Variants in SLC7A14 observed in about 807,000 individuals in gnomAD.
The protein encoded by SLC7A14 is solute carrier family 7 member 14.
In SLC7A14, 37 loss-of-function variants were observed where a neutral mutation model predicts 60.2. The observed-to-expected ratio is 0.61, with a 90% CI of 0.47 to 0.81. SLC7A14 has a LOEUF of 0.81. Ranked by LOEUF, SLC7A14 falls within the 30% of genes least tolerant of loss-of-function variation. The pLI is 0.00. For synonymous variants in SLC7A14, 399 were observed against 395.8 expected, an observed-to-expected ratio of 1.01 and a Z score of -0.10; for missense variants, 886 against 982.7, an observed-to-expected ratio of 0.90 and a Z score of 1.32.
In SLC7A14 at chr3:170,486,332, T is replaced by A; in HGVS notation, c.796A>T (p.Ile266Phe). 5 of 1,614,184 alleles carry A rather than the reference T, an allele frequency of 3.1e-6. No homozygotes were observed. The highest frequency in any genetic ancestry group is 4.2e-6 in the Non-Finnish European group (5 of 1,180,038). The change falls in exon 5 of 8, where the codon ATT (isoleucine) becomes TTT (phenylalanine). Residue 266 changes from isoleucine to phenylalanine, a missense_variant. Physicochemically the swap from Ile to Phe is conservative, Grantham distance 21. Coordinates refer to ENST00000231706, the MANE Select transcript of SLC7A14 (RefSeq NM_020949.3). Reference sequence around the variant, plus strand: ...GTGGTGGCGATGATGTCAAAGCCAATGAAAGCGTAGAAGCATGTTGCTGCT... The same window carrying A: ...GTGGTGGCGATGATGTCAAAGCCAAAGAAAGCGTAGAAGCATGTTGCTGCT... ...QGAATCFYAF[I>F]GFDIIATTGE...
intron 3 of SLC7A14, among the ~76,000 whole-genome samples, chr3:170,499,236 CAAAAAAAAAAAAAAAAAAAA>C (rs11336080): frequency 1.7e-5 from 1 of 59,930 alleles, no homozygotes; most frequent in Non-Finnish European, 2.7e-5. Context: ...GACTCTGTCT[CAAAAAAAAAAAAAAAAAAAA>C]AAAAAAAAAA....
chr3:170,480,110 T>C (rs968829397), intron 7 of SLC7A14, among the ~76,000 whole-genome samples, 179 bp downstream of exon 7: 4 of 152,118 alleles, frequency 2.6e-5, no homozygotes, highest in African/African-American at 4.8e-5. Context: ...ACTAAGAACA[T>C]TACAGGCAGA....
chr3:170,477,871 C>G (rs971572305), intron 7 of SLC7A14, among the ~76,000 whole-genome samples: 5 of 152,162 alleles, frequency 3.3e-5, no homozygotes, highest in Admixed American at 6.5e-5. Context: ...AGGCCCTTTT[C>G]AGCTTTAATA....
At chr3:170,479,493 T>C (rs1711740547) in intron 7 of SLC7A14, among the ~76,000 whole-genome samples, 1 of 152,146 alleles carries the variant, frequency 6.6e-6, no homozygotes, top group Admixed American at 6.5e-5. Context: ...CAAAGTAAAA[T>C]TAGAAATCTT....
chr3:170,559,567 C>T (rs17217419), intron 1 of SLC7A14, among the ~76,000 whole-genome samples: 17,584 of 152,152 alleles, frequency 0.12, 1,265 homozygotes, highest in East Asian at 0.2. Flanking sequence ...TTTTCACCCT[C>T]GAACACTCAT....
chr3:170,496,527 G>T, intron 4 of SLC7A14: 1 of 1,568,384 alleles, frequency 6.4e-7, no homozygotes, highest in African/African-American at 1.4e-5. Flanking sequence ...GGCCAAGCAG[G>T]ACATGGCGCA....
intron 1 of SLC7A14, among the ~76,000 whole-genome samples, chr3:170,580,685 C>A (rs1715210976): frequency 6.6e-6 from 1 of 152,146 alleles, no homozygotes; most frequent in Non-Finnish European, 1.5e-5. Flanking sequence ...ATCTCTGGAA[C>A]TGGAGATAAA....
rs1467257657 is a variant in SLC7A14, at chr3:170,462,403, T to A, written c.*4652A>T. ...TTTTCAGCAGAATAGAGGAGAGAGA[T>A]TTCTTTGAAGGAGTTTGTGTTTTGT... is the stretch of plus-strand genomic sequence containing the variant. On this transcript the variant is annotated 3_prime_UTR_variant, in exon 8 of 8. Transcript: ENST00000231706. 1 of 152,198 alleles carries A rather than the reference T, an allele frequency of 6.6e-6. No homozygotes were observed. Among genetic ancestry groups the A allele is most frequent in the African/African-American group, 2.4e-5 (1 of 41,462 alleles). The allele number at this position is 152,198 out of a possible 1,614,324, so 9.4% of individuals were successfully genotyped here.
chr3:170,473,177 C>A (rs1577493745), intron 7 of SLC7A14, among the ~76,000 whole-genome samples: 1 of 152,260 alleles, frequency 6.6e-6, no homozygotes, highest in East Asian at 1.9e-4. Flanking sequence ...AGGTGACATA[C>A]CTGCTCACCC....
At chr3:170,567,326 A>G (rs1052822074) in intron 1 of SLC7A14, among the ~76,000 whole-genome samples, 1 of 151,446 alleles carries the variant, frequency 6.6e-6, no homozygotes, top group African/African-American at 2.4e-5. Context: ...TGTCCCTACA[A>G]AGGACATGAA....
At chr3:170,515,883 C>A (rs73163865) in intron 2 of SLC7A14, among the ~76,000 whole-genome samples, 4 of 152,146 alleles carry the variant, frequency 2.6e-5, no homozygotes, top group Non-Finnish European at 4.4e-5. Context: ...AATTATTTCA[C>A]GTGTGCACAT....
Position 170,480,471 on chromosome 3 carries a change from A to G in SLC7A14, c.1811T>C (p.Met604Thr). The G allele has an allele frequency of 6.2e-7, 1 of 1,614,138 alleles. No individual in the cohort carries two copies. The highest frequency in any genetic ancestry group is 1.1e-5 in the South Asian group (1 of 91,072). Residue 604 changes from methionine (M) to threonine (T), a missense_variant, in exon 7 of 8, where the codon ATG becomes ACG. Coordinates refer to ENST00000231706, the MANE Select transcript of SLC7A14 (RefSeq NM_020949.3). The stretch of plus-strand genomic sequence containing the variant: ...CACCAGGGTGCTGATCAGCAGCACC[A>G]TCAGAACAACCAGAAGGATGGCCCA... The part of the protein sequence containing the change: ...SWWAILLVVL[M>T]VLLISTLVFV...
rs1560269744 is a variant in SLC7A14 at position 170,526,814 on chromosome 3, G to GGTC, written c.120_122dup (p.Thr43dup). 6.2e-7 allele frequency: 1 copy of GGTC among 1,614,206 alleles called. No individual in the cohort carries two copies. Among genetic ancestry groups the GGTC allele is most frequent in the South Asian group, 1.1e-5 (1 of 91,078 alleles). On this transcript the variant is annotated inframe_insertion, in exon 2 of 8. Transcript: ENST00000231706. ...CTAGCTTAGTTCCATGTGCCGTGGT[G>GGTC]GTCCCAGTTCCCTCTAGCATGGACT...
intron 1 of SLC7A14, among the ~76,000 whole-genome samples, chr3:170,566,677 A>G (rs1044958296): frequency 1.4e-4 from 22 of 152,200 alleles, no homozygotes; most frequent in African/African-American, 5.1e-4. Context: ...TCCTTAGTTC[A>G]GCCGTCAAGG....
chr3:170,505,678 G>A (rs1387257636), intron 2 of SLC7A14, among the ~76,000 whole-genome samples: 2 of 152,154 alleles, frequency 1.3e-5, no homozygotes, highest in African/African-American at 2.4e-5. Context: ...CTGAGGTCAA[G>A]AGTTTGAGAC....
intron 2 of SLC7A14, among the ~76,000 whole-genome samples, chr3:170,521,126 G>T (rs980594017): frequency 6.6e-6 from 1 of 152,246 alleles, no homozygotes; most frequent in African/African-American, 2.4e-5. Context: ...CAAAGCACAA[G>T]CTGCTTCCTC....
chr3:170,542,903 C>T (rs774757281), intron 1 of SLC7A14, among the ~76,000 whole-genome samples: 1 of 152,006 alleles, frequency 6.6e-6, no homozygotes, highest in South Asian at 2.1e-4. Flanking sequence ...ATGCAGAGGA[C>T]AGTGTGAGTC....
intron 1 of SLC7A14, among the ~76,000 whole-genome samples, chr3:170,582,192 T>A (rs970454254): frequency 1.6e-4 from 24 of 152,186 alleles, no homozygotes; most frequent in African/African-American, 5.6e-4. Flanking sequence ...AGTGGCTTTT[T>A]CTTTCTTTCT....
rs1044612043 is a variant in SLC7A14, at chr3:170,465,158, A to G, written c.*1897T>C. ...AGTTCTAAACAATGACTACAGAAGA[A>G]TAAAAAATATCTAGAAAATTGCAGT... is the stretch of plus-strand genomic sequence containing the variant. On this transcript the variant is annotated 3_prime_UTR_variant, in exon 8 of 8. Transcript: ENST00000231706. 6.6e-6 allele frequency: 1 copy of G among 152,274 alleles called. No homozygotes were observed. Among genetic ancestry groups the G allele is most frequent in the South Asian group, 2.1e-4 (1 of 4,838 alleles). 9.4% of individuals were successfully genotyped at this position (152,274 alleles called of 1,614,324 possible). A position where few individuals can be genotyped will look rare whatever the true frequency, so the allele number is the denominator to read the frequency against.
Sources: allele counts gnomAD v4.1 joint callset (sites outside exome capture counted in the v4.1 genomes callset), GRCh38; gene constraint gnomAD v4.1.1; transcripts MANE v1.5; gene names NCBI Gene and HGNC (gene_info 2026-07-23, HGNC 2026-07-21).